Variants in PLXNA4 observed in about 807,000 individuals in gnomAD.
PLXNA4 encodes plexin-A4.
PLXNA4 carries 44 observed loss-of-function variants against 191.8 expected under a neutral mutation model. The observed-to-expected ratio is 0.23, with a 90% CI of 0.18 to 0.29. The LOEUF (loss-of-function observed/expected upper bound fraction) is 0.29, where lower values mean the gene tolerates loss of function less well. Among genes scored for constraint, PLXNA4 ranks in the 10% least tolerant of loss-of-function variants. The pLI, the probability that PLXNA4 is intolerant of heterozygous loss-of-function variation, is 1.00. For missense variants in PLXNA4, 1,800 were observed against 2,488.8 expected (o/e 0.72, Z 5.89); for synonymous variants, 1,082 against 1,009.5 (o/e 1.07, Z -1.36).
chr7:132,449,959 G>T (rs7804931), intron 3 of PLXNA4, among the ~76,000 whole-genome samples: 7,245 of 152,256 alleles, frequency 0.048, 619 homozygotes, highest in African/African-American at 0.17. Flanking sequence ...TCCCCCTGGG[G>T]GCCCTGGGCT....
In PLXNA4 at chr7:132,507,816, T is replaced by C; in HGVS notation, c.878A>G (p.Tyr293Cys). 6.2e-7 allele frequency: 1 copy of C among 1,614,136 alleles called. No homozygotes were observed. The highest frequency in any genetic ancestry group is 8.5e-7 in the Non-Finnish European group (1 of 1,180,032). ...CTCACAGCCAATGGGCACCTCTACA[T>C]AGGAGTTGAAGGCTGTGTCCTCCTT... ...LCKEDTAFNSYVEVPIGCERS... is the reference protein window; with the variant it reads ...LCKEDTAFNSCVEVPIGCERS... Residue 293 changes from tyrosine to cysteine, a missense_variant, in exon 2 of 32, where the codon TAT becomes TGT. Tyr to Cys is a radical substitution (Grantham distance 194). This residue lies in a region of PLXNA4 where 1,397 missense variants were observed against 1,880.4 expected (regional missense o/e 0.74). Transcript: ENST00000321063.
Position 132,168,466 on chromosome 7 carries a change from T to C in PLXNA4, c.4124A>G (p.Gln1375Arg). The C allele has an allele frequency of 2.5e-6, 4 of 1,614,052 alleles. No individual in the cohort carries two copies. Among genetic ancestry groups the C allele is most frequent in the African/African-American group, 2.7e-5 (2 of 75,064 alleles). The change falls in exon 22 of 32, where the codon CAG becomes CGG. Residue 1375 changes from glutamine (Q) to arginine (R), a missense_variant. By Grantham distance (43) the Gln-to-Arg change is conservative. This residue lies in a region of PLXNA4 where 1,397 missense variants were observed against 1,880.4 expected (regional missense o/e 0.74). Transcript: ENST00000321063. Reference sequence around the variant, plus strand: ...ACGGTCGCGCATGGAGAAGCTACGCTGGGACTCAAGCGTGCGGATGAAGGA... The same window carrying C: ...ACGGTCGCGCATGGAGAAGCTACGCCGGGACTCAAGCGTGCGGATGAAGGA... ...LLSFIRTLES[Q>R]RSFSMRDRGN... is the part of the protein sequence containing the mutation.
intron 4 of PLXNA4, among the ~76,000 whole-genome samples, chr7:132,275,352 A>T (rs1800232478): frequency 6.6e-6 from 1 of 152,188 alleles, no homozygotes; most frequent in South Asian, 2.1e-4. Context: ...TCAAATCAAG[A>T]AATTGACATT....
At chr7:132,369,180 C>T (rs1804322253) in intron 3 of PLXNA4, among the ~76,000 whole-genome samples, 1 of 152,196 alleles carries the variant, frequency 6.6e-6, no homozygotes, top group Non-Finnish European at 1.5e-5. Context: ...TCAACTTCCT[C>T]TTCCCCTCGG....
intron 3 of PLXNA4, among the ~76,000 whole-genome samples, chr7:132,373,360 G>C (rs192611577): frequency 1.3e-5 from 2 of 152,260 alleles, no homozygotes; most frequent in Non-Finnish European, 2.9e-5. Flanking sequence ...AAAGGAAGAG[G>C]CTTCCAGGTC....
chr7:132,229,681 C>T (rs929739420), intron 5 of PLXNA4, among the ~76,000 whole-genome samples: 2 of 151,960 alleles, frequency 1.3e-5, no homozygotes, highest in Non-Finnish European at 2.9e-5. Context: ...GGAGAGAGCC[C>T]CAGGCAAGGA....
chr7:132,471,185 C>T (rs530844837), intron 3 of PLXNA4, among the ~76,000 whole-genome samples: 21 of 152,280 alleles, frequency 1.4e-4, no homozygotes, highest in South Asian at 2.1e-4. Context: ...TGCCTGCTCT[C>T]GATTCGCCTT....
intron 2 of PLXNA4, among the ~76,000 whole-genome samples, chr7:132,636,478 C>A (rs73160213): frequency 1.3e-5 from 2 of 152,012 alleles, no homozygotes; most frequent in Non-Finnish European, 1.5e-5. Context: ...AAGGAAGAGC[C>A]CCCCCAGGAG....
intron 4 of PLXNA4, among the ~76,000 whole-genome samples, chr7:132,281,671 G>A (rs925831252): frequency 2.0e-5 from 3 of 152,062 alleles, no homozygotes; most frequent in African/African-American, 4.8e-5. Flanking sequence ...CATTGTGAAT[G>A]TATTACTTTT....
chr7:132,576,126 C>A lies in PLXNA4; in HGVS notation c.-87+296G>T, dbSNP rs1802216478. Among the ~76,000 whole-genome samples the A allele has an allele frequency of 6.6e-6, 1 of 152,184 alleles. No individual in the cohort carries two copies. The highest frequency in any genetic ancestry group is 1.9e-4 in the East Asian group (1 of 5,172). ...GGCAGAGCCGGGAATACACAGAATC[C>A]CACCCCGAAAGTCCCGGGAAAGAGA... is the stretch of plus-strand genomic sequence containing the variant. On this transcript the variant is annotated intron_variant, in intron 1 of 31. Transcript: ENST00000321063. This position sits in a 1 kb window ranked among gnomAD's most constrained non-coding sequence, Gnocchi z 5.8.
chr7:132,633,194 C>G (rs1411635030), intron 2 of PLXNA4, among the ~76,000 whole-genome samples: 1 of 151,828 alleles, frequency 6.6e-6, no homozygotes, highest in East Asian at 1.9e-4. Context: ...GGGCTGCAGA[C>G]AGCAAAGGTC....
chr7:132,232,460 G>A (rs1798556126), intron 5 of PLXNA4, among the ~76,000 whole-genome samples: 1 of 152,104 alleles, frequency 6.6e-6, no homozygotes, highest in African/African-American at 2.4e-5. Context: ...GACCCCAAGA[G>A]GACACACCAG....
intron 26 of PLXNA4, among the ~76,000 whole-genome samples, chr7:132,148,333 G>A (rs1795495766): frequency 6.6e-6 from 1 of 152,176 alleles, no homozygotes; most frequent in Non-Finnish European, 1.5e-5. Context: ...CCCATGCCCT[G>A]CAGAAAGTGT....
At chr7:132,267,980 ATTGATTGGCT>A (rs1799919201) in intron 4 of PLXNA4, among the ~76,000 whole-genome samples, 1 of 152,190 alleles carries the variant, frequency 6.6e-6, no homozygotes, top group South Asian at 2.1e-4. Flanking sequence ...CAGGACCAGT[ATTGATTGGCT>A]TGCTTGATTA....
At chr7:132,493,943 T>C (rs544758271) in intron 2 of PLXNA4, among the ~76,000 whole-genome samples, 1 of 152,342 alleles carries the variant, frequency 6.6e-6, no homozygotes, top group Admixed American at 6.5e-5. Context: ...TGTGCCTTAA[T>C]TTGTTACCTG....
At chr7:132,136,746 C>T (rs1795125704) in intron 30 of PLXNA4, among the ~76,000 whole-genome samples, 2 of 152,296 alleles carry the variant, frequency 1.3e-5, no homozygotes, top group South Asian at 4.1e-4. Context: ...TCTCCAATGC[C>T]CTAAACTCTT....
intron 3 of PLXNA4, among the ~76,000 whole-genome samples, 192 bp from the exon 4 acceptor site, chr7:132,298,414 G>A (rs1305536902): frequency 6.6e-6 from 1 of 152,258 alleles, no homozygotes; most frequent in Non-Finnish European, 1.5e-5. Flanking sequence ...GGCAGAGAGG[G>A]AAGTGGGGGA....
At chr7:132,171,213 A>G (rs114354268) in intron 21 of PLXNA4, among the ~76,000 whole-genome samples, 3,214 of 152,342 alleles carry the variant, frequency 0.021, 100 homozygotes, top group African/African-American at 0.073. Flanking sequence ...CACCATGTGC[A>G]ATGCACAGTG....
chr7:132,252,336 G>T (rs997813034), intron 4 of PLXNA4, among the ~76,000 whole-genome samples: 5 of 108,132 alleles, frequency 4.6e-5, no homozygotes, highest in African/African-American at 1.8e-4. Context: ...TTTTGAGATG[G>T]AGTCTCACTC....
Sources: allele counts gnomAD v4.1 joint callset (sites outside exome capture counted in the v4.1 genomes callset), GRCh38; gene constraint gnomAD v4.1.1; regional missense constraint gnomAD v4.1.1; non-coding constraint Gnocchi (gnomAD v3.1); transcripts MANE v1.5; gene names NCBI Gene and HGNC (gene_info 2026-07-23, HGNC 2026-07-21).